Variants in TAF3 observed in about 807,000 individuals in gnomAD.
TAF3 encodes transcription initiation factor TFIID subunit 3.
Under a neutral mutation model 80.6 loss-of-function variants are expected in TAF3, and 7 were observed. The ratio of observed to expected loss-of-function variants is 0.09; its 90% confidence interval spans 0.05 to 0.16. The LOEUF is 0.16. Among genes scored for constraint, TAF3 ranks in the 10% least tolerant of loss-of-function variants. The probability of loss-of-function intolerance (pLI) is 1.00; values close to 1 mark genes in which losing one functional copy is unlikely to be tolerated. For synonymous variants in TAF3, 444 were observed against 446.1 expected (o/e 1.00, Z 0.06); for missense variants, 921 against 1,140.2 (o/e 0.81, Z 2.77).
chr10:7,921,137 A>G (rs1319879442), intron 2 of TAF3, among the ~76,000 whole-genome samples: 3 of 151,932 alleles, frequency 2.0e-5, no homozygotes, highest in East Asian at 1.9e-4. Flanking sequence ...GCCATATTAT[A>G]TATTTCTTAA....
chr10:7,856,795 C>T (rs1334381620), intron 2 of TAF3, among the ~76,000 whole-genome samples: 3 of 144,984 alleles, frequency 2.1e-5, no homozygotes, highest in African/African-American at 5.2e-5. Context: ...TAAAGGACTC[C>T]GAAGCCAACT....
intron 4 of TAF3, among the ~76,000 whole-genome samples, chr10:7,989,671 T>C (rs1038239959): frequency 6.6e-6 from 1 of 152,216 alleles, no homozygotes. Context: ...AAAGCTAACA[T>C]CCTAGTTTCT....
chr10:7,984,243 C>T (rs1182160442), intron 4 of TAF3, among the ~76,000 whole-genome samples: 1 of 151,958 alleles, frequency 6.6e-6, no homozygotes, highest in African/African-American at 2.4e-5. Flanking sequence ...TACCCCGGCA[C>T]AATACTGTTT....
At chr10:7,840,523 T>TG (rs2131114329) in intron 2 of TAF3, among the ~76,000 whole-genome samples, 1 of 145,426 alleles carries the variant, frequency 6.9e-6, no homozygotes, top group South Asian at 2.2e-4. Context: ...GCATCCAGAA[T>TG]GAAAAAAAAA....
In TAF3 at chr10:7,944,006, A is replaced by G. The variant is rs375554978; in HGVS notation, c.410-19914A>G. The stretch of plus-strand genomic sequence containing the variant: ...TTTTCTTGTTCTTTCTGCAATTGAT[A>G]TGCGTAAGAGGAAGAATGCAAAACC... On this transcript the variant is annotated intron_variant, in intron 2 of 6. Coordinates refer to ENST00000344293, the MANE Select transcript of TAF3 (RefSeq NM_031923.4). Among the ~76,000 whole-genome samples the G allele has an allele frequency of 1.5e-3, 227 of 152,136 alleles. 1 individual carries two copies. The highest frequency in any genetic ancestry group is 5.3e-3 in the African/African-American group (219 of 41,498).
Position 7,963,935 on chromosome 10 carries a change from A to T in TAF3, c.425A>T (p.Gln142Leu). ...VSSQEEEEEE[Q>L]VPTDGGTSAE... ...CCTTTACCAGAAGAAGAAGAAGAGCAGGTGCCCACTGATGGAGGCACATCA... is the reference window on the plus strand; with the variant it reads ...CCTTTACCAGAAGAAGAAGAAGAGCTGGTGCCCACTGATGGAGGCACATCA... Residue 142 changes from glutamine to leucine, a missense_variant, in exon 3 of 7, where the codon CAG (glutamine) becomes CTG (leucine). By Grantham distance (113) the Gln-to-Leu change is moderately radical (BLOSUM62 -2). Coordinates refer to ENST00000344293, the MANE Select transcript of TAF3 (RefSeq NM_031923.4). 1 of 1,583,620 alleles carries T rather than the reference A, an allele frequency of 6.3e-7. No individual in the cohort carries two copies. Among genetic ancestry groups the T allele is most frequent in the Non-Finnish European group, 8.6e-7 (1 of 1,168,032 alleles).
At chr10:7,879,479 G>T (rs1448248235) in intron 2 of TAF3, among the ~76,000 whole-genome samples, 1 of 152,114 alleles carries the variant, frequency 6.6e-6, no homozygotes, top group African/African-American at 2.4e-5. Flanking sequence ...AAGATTAAAA[G>T]GAACAACAGT....
At chr10:7,930,815 A>G (rs962379210) in intron 2 of TAF3, among the ~76,000 whole-genome samples, 24 of 152,084 alleles carry the variant, frequency 1.6e-4, no homozygotes, top group African/African-American at 5.8e-4. Context: ...AGCAGAGGAT[A>G]TTGCTATCTA....
At chr10:7,893,267 A>C (rs1837475044) in intron 2 of TAF3, among the ~76,000 whole-genome samples, 1 of 152,228 alleles carries the variant, frequency 6.6e-6, no homozygotes, top group Non-Finnish European at 1.5e-5. Flanking sequence ...TTCCTGAAAG[A>C]AAGCTTTGTT....
rs1337568613 is a variant in TAF3, at chr10:7,824,373, G to A, written c.222G>A (p.Gly74=). 1 of 1,614,136 alleles carries A rather than the reference G, an allele frequency of 6.2e-7. No homozygotes were observed. The highest frequency in any genetic ancestry group is 1.7e-5 in the Admixed American group (1 of 60,026). Residue 74 remains glycine (G), a synonymous_variant, in exon 2 of 7, where the codon GGG becomes GGA. Coordinates refer to ENST00000344293, the MANE Select transcript of TAF3 (RefSeq NM_031923.4). ...DDVGEAFQLM[G]VSLHELEDYI... ...TTGGTGAAGCTTTCCAGCTGATGGG[G>A]GTTAGTCTACATGAACTAGAAGACT...
In TAF3 at chr10:7,875,572, A is replaced by T. The variant is rs535326298; in HGVS notation, c.409+51012A>T. Among the ~76,000 whole-genome samples, 9 of 152,354 alleles carry T rather than the reference A, an allele frequency of 5.9e-5. No individual in the cohort carries two copies. In the South Asian group the frequency reaches 1.9e-3, roughly 32 times the overall value. ...GGGCACGAAGGGGTTGTTGGCCTCCAGTTGAAAAGTAGCATGAAAGAGAAG... is the reference window on the plus strand; with the variant it reads ...GGGCACGAAGGGGTTGTTGGCCTCCTGTTGAAAAGTAGCATGAAAGAGAAG... On this transcript the variant is annotated intron_variant, in intron 2 of 6. Transcript: ENST00000344293.
At chr10:7,845,969 T>G (rs1449561393) in intron 2 of TAF3, among the ~76,000 whole-genome samples, 1 of 150,538 alleles carries the variant, frequency 6.6e-6, no homozygotes, top group Non-Finnish European at 1.5e-5. Context: ...GTTTTTTTTT[T>G]TTTTTTTTGA....
chr10:7,870,686 G>A (rs1031106222), intron 2 of TAF3, among the ~76,000 whole-genome samples: 3 of 152,092 alleles, frequency 2.0e-5, no homozygotes, highest in African/African-American at 7.2e-5. Context: ...ACACGCTTCT[G>A]AGTTCGCCTT....
chr10:7,825,806 A>G lies in TAF3; in HGVS notation c.409+1246A>G, dbSNP rs576608580. Among the ~76,000 whole-genome samples the G allele has an allele frequency of 5.9e-5, 9 of 152,082 alleles. No individual in the cohort carries two copies. In the South Asian group the frequency reaches 1.9e-3, roughly 32 times the overall value. ...GTGATTAATGCCGCTATGAACATCG[A>G]TGTGCAAATCTCTGTTCAAATTCTT... On this transcript the variant is annotated intron_variant, in intron 2 of 6. Coordinates refer to ENST00000344293, the MANE Select transcript of TAF3 (RefSeq NM_031923.4).
chr10:7,954,477 C>T lies in TAF3; in HGVS notation c.410-9443C>T, dbSNP rs1271183226. Among the ~76,000 whole-genome samples the T allele has an allele frequency of 7.6e-5, 9 of 118,316 alleles. 1 individual carries two copies. Among genetic ancestry groups the T allele is most frequent in the African/African-American group, 1.5e-4 (5 of 33,854 alleles). The allele number at this position is 118,316 out of a possible 152,430, so 77.6% of individuals were successfully genotyped here. ...CATAGGTGAATGAATGAATTAGTCCCAGTTAACACAGAGCTCTCCATAGTG... is the reference window on the plus strand; with the variant it reads ...CATAGGTGAATGAATGAATTAGTCCTAGTTAACACAGAGCTCTCCATAGTG... On this transcript the variant is annotated intron_variant, in intron 2 of 6. Coordinates refer to ENST00000344293, the MANE Select transcript of TAF3 (RefSeq NM_031923.4).
At chr10:7,832,377 CTT>C (rs35309786) in intron 2 of TAF3, among the ~76,000 whole-genome samples, 11,470 of 152,118 alleles carry the variant, frequency 0.075, 563 homozygotes, top group Admixed American at 0.12. Context: ...AAATTTCCTT[CTT>C]TTTTTAAAGG....
At chr10:7,901,097 C>T (rs1243718965) in intron 2 of TAF3, among the ~76,000 whole-genome samples, 1 of 37,150 alleles carries the variant, frequency 2.7e-5, no homozygotes, top group Non-Finnish European at 6.2e-5. Context: ...TTTAAATGCC[C>T]TCATATTATA....
intron 2 of TAF3, among the ~76,000 whole-genome samples, chr10:7,951,667 G>A (rs1399588917): frequency 6.6e-6 from 1 of 152,216 alleles, no homozygotes; most frequent in Non-Finnish European, 1.5e-5. Flanking sequence ...GGGAGGGGAA[G>A]AATGTCTGTT....
chr10:7,858,818 G>GTGTA (rs1837110788), intron 2 of TAF3, among the ~76,000 whole-genome samples: 1 of 136,940 alleles, frequency 7.3e-6, no homozygotes, highest in African/African-American at 2.7e-5. Flanking sequence ...GTGTGTGTGT[G>GTGTA]TGTGTGTGTG....
Sources: gnomAD v4.1 joint callset for allele counts (sites outside exome capture counted in the v4.1 genomes callset) on GRCh38, gnomAD v4.1.1 for gene constraint, MANE v1.5 for transcripts, NCBI Gene and HGNC (gene_info 2026-07-23, HGNC 2026-07-21) for gene names.